The following RELN variants were observed in gnomAD, a reference collection of about 807,000 sequenced individuals.
RELN encodes reelin.
RELN carries 108 observed loss-of-function variants against 427.6 expected under a neutral mutation model. The observed-to-expected ratio is 0.25, with a 90% CI of 0.22 to 0.30. The LOEUF (loss-of-function observed/expected upper bound fraction) is 0.30, where lower values mean the gene tolerates loss of function less well. RELN is among the 10% of genes least tolerant of loss of function. The pLI is 1.00. For synonymous variants in RELN, 1,524 were observed against 1,513.4 expected (o/e 1.01, Z -0.16); for missense variants, 3,715 against 4,302.8 (o/e 0.86, Z 3.82).
At position 103,866,930 on chromosome 7, in the gene RELN, A is replaced by T. The variant is rs118144845; in HGVS notation, c.338-33258T>A. On this transcript the variant is annotated intron_variant, in intron 2 of 64. Transcript: ENST00000428762. ...CAGTGCTTTGTTAATTAATTAGACA[A>T]GCAATCATTAGCTATCCTATTTACT... is the stretch of plus-strand genomic sequence containing the variant. 6.3e-3 allele frequency among the ~76,000 whole-genome samples: 955 copies of T among 152,204 alleles called. 4 individuals carry two copies. Among genetic ancestry groups the T allele is most frequent in the Non-Finnish European group, 0.011 (755 of 67,978 alleles).
At chr7:103,728,647 A>G (rs1461306456) in intron 6 of RELN, among the ~76,000 whole-genome samples, 2 of 152,190 alleles carry the variant, frequency 1.3e-5, no homozygotes, top group East Asian at 3.8e-4. Context: ...GCAAGTATTA[A>G]AAATAAGCAG....
chr7:103,661,120 G>C (rs889801302), intron 12 of RELN, among the ~76,000 whole-genome samples: 2 of 152,084 alleles, frequency 1.3e-5, no homozygotes, highest in Non-Finnish European at 2.9e-5. Flanking sequence ...TGGAGGGAGA[G>C]GTGGAAGGAA....
intron 2 of RELN, among the ~76,000 whole-genome samples, chr7:103,867,243 C>T (rs949548432): frequency 5.3e-5 from 8 of 151,960 alleles, no homozygotes; most frequent in East Asian, 3.9e-4. Flanking sequence ...AGAGCGCAGT[C>T]AAACCGTGAA....
rs551845350 is a variant in RELN at position 103,569,623 on chromosome 7, C to T, written c.4588+2561G>A. Reference sequence around the variant, plus strand: ...TGGTTTCTGTCTTCCTCCTCATTAGCTTTTTAAGGAGTGCCACATATACCT... The same window carrying T: ...TGGTTTCTGTCTTCCTCCTCATTAGTTTTTTAAGGAGTGCCACATATACCT... On this transcript the variant is annotated intron_variant, in intron 31 of 64. Transcript: ENST00000428762. The surrounding 1 kb of genome is among the most constrained non-coding windows in gnomAD (Gnocchi z 4.0). Among the ~76,000 whole-genome samples the T allele has an allele frequency of 6.6e-6, 1 of 152,150 alleles. No homozygotes were observed. The highest frequency in any genetic ancestry group is 2.4e-5 in the African/African-American group (1 of 41,444).
rs1562853188 is a variant in RELN, at chr7:103,498,068, TTCAC to T, written c.8843+5_8843+8del. The T allele has an allele frequency of 6.2e-7, 1 of 1,613,800 alleles. No individual in the cohort carries two copies. Among genetic ancestry groups the T allele is most frequent in the Non-Finnish European group, 8.5e-7 (1 of 1,179,714 alleles). ...TGCAATAGAAATAACTAACAAAAAATTCACTTACTTTGCACCTCGAAGATCCAAA... is the reference window on the plus strand; with the variant it reads ...TGCAATAGAAATAACTAACAAAAAATTTACTTTGCACCTCGAAGATCCAAA... On this transcript the variant is annotated splice_donor_5th_base_variant and intron_variant, in intron 54 of 64. Coordinates refer to ENST00000428762, the MANE Select transcript of RELN (RefSeq NM_005045.4).
intron 46 of RELN, among the ~76,000 whole-genome samples, chr7:103,528,592 G>A (rs1420744278): frequency 6.6e-6 from 1 of 151,850 alleles, no homozygotes; most frequent in Admixed American, 6.6e-5. Flanking sequence ...GCAATGGCAT[G>A]ATCTCAGCTC....
intron 2 of RELN, among the ~76,000 whole-genome samples, chr7:103,899,948 A>G (rs10458285): frequency 0.35 from 53,038 of 151,898 alleles, 9,708 homozygotes; most frequent in East Asian, 0.67. Context: ...TTCTGGCCAG[A>G]GCAATCAGGC....
In RELN at chr7:103,492,039, T is replaced by TAAAC. The variant is rs769041611; in HGVS notation, c.9370-17_9370-14dup. The TAAAC allele has an allele frequency of 1.3e-6, 2 of 1,593,460 alleles. No homozygotes were observed. Among genetic ancestry groups the TAAAC allele is most frequent in the Admixed American group, 3.4e-5 (2 of 59,152 alleles). ...AACCCACCACAATCTAAAACAAACA[T>TAAAC]AAACAATCAATACACAGGTAAGATT... On this transcript the variant is annotated splice_polypyrimidine_tract_variant and intron_variant, in intron 57 of 64. Coordinates refer to ENST00000428762, the MANE Select transcript of RELN (RefSeq NM_005045.4).
intron 10 of RELN, among the ~76,000 whole-genome samples, chr7:103,687,795 C>T (rs1833794130): frequency 6.6e-6 from 1 of 152,082 alleles, no homozygotes; most frequent in Admixed American, 6.6e-5. Flanking sequence ...ATGCATTAGG[C>T]AGGGAGCTTC....
intron 2 of RELN, among the ~76,000 whole-genome samples, chr7:103,857,573 T>C (rs1007199229): frequency 6.6e-6 from 1 of 152,218 alleles, no homozygotes; most frequent in Non-Finnish European, 1.5e-5. Context: ...CACCTTCTAA[T>C]TTGCAGTGTT....
chr7:103,690,943 C>G (rs1003910271), intron 10 of RELN, among the ~76,000 whole-genome samples: 11 of 152,046 alleles, frequency 7.2e-5, no homozygotes, highest in African/African-American at 2.7e-4. Flanking sequence ...AGGCCACGGA[C>G]TTGGAAAAAG....
rs757092407 is a variant in RELN at position 103,489,921 on chromosome 7, G to GA, written c.9606-23dup. 1.9e-6 allele frequency: 3 copies of GA among 1,613,840 alleles called. No homozygotes were observed. In the East Asian group the frequency reaches 6.7e-5, roughly 36 times the overall value. On this transcript the variant is annotated intron_variant, in intron 59 of 64. Coordinates refer to ENST00000428762, the MANE Select transcript of RELN (RefSeq NM_005045.4). The stretch of plus-strand genomic sequence containing the variant: ...TGCACTGAAAGAACCACAGAGAGCA[G>GA]AAGGGATTCAGTAGGTTGTTACTTC...
At chr7:103,633,579 T>C (rs1489575648) in intron 19 of RELN, among the ~76,000 whole-genome samples, 3 of 152,068 alleles carry the variant, frequency 2.0e-5, no homozygotes, top group Non-Finnish European at 2.9e-5. Context: ...CATGCACATA[T>C]CTAATACTGA....
intron 4 of RELN, among the ~76,000 whole-genome samples, chr7:103,767,090 C>A (rs1212828057): frequency 6.6e-6 from 1 of 152,176 alleles, no homozygotes; most frequent in Non-Finnish European, 1.5e-5. Context: ...AATGAATATA[C>A]ACACACACAT....
intron 50 of RELN, among the ~76,000 whole-genome samples, chr7:103,511,665 G>A (rs1829421038): frequency 6.6e-6 from 1 of 151,794 alleles, no homozygotes; most frequent in African/African-American, 2.4e-5. Flanking sequence ...ATCGCTTGAG[G>A]CCAGCCTGGG....
intron 8 of RELN, among the ~76,000 whole-genome samples, chr7:103,706,887 C>T (rs1834213957): frequency 6.6e-6 from 1 of 152,180 alleles, no homozygotes; most frequent in Admixed American, 6.5e-5. Context: ...ATCATGTGTA[C>T]TTGGGCATCA....
chr7:103,895,402 C>T (rs1443361886), intron 2 of RELN, among the ~76,000 whole-genome samples: 1 of 152,092 alleles, frequency 6.6e-6, no homozygotes, highest in Non-Finnish European at 1.5e-5. Flanking sequence ...AGGGTCATTT[C>T]TGCCTAGTTT....
At chr7:103,952,817 A>T (rs1208572612) in intron 1 of RELN, among the ~76,000 whole-genome samples, 1 of 152,238 alleles carries the variant, frequency 6.6e-6, no homozygotes, top group African/African-American at 2.4e-5. Flanking sequence ...TGAACAATAC[A>T]TCTCTCAAAA....
At chr7:103,491,854 TCTCACACACACACA>T (rs1328849115) in intron 58 of RELN, 85 bp downstream of exon 58, 17 of 372,996 alleles carry the variant, frequency 4.6e-5, no homozygotes, top group Non-Finnish European at 7.8e-5. Flanking sequence ...TCTCTCTCTC[TCTCACACACACACA>T]CACACACACA....
Sources: allele counts gnomAD v4.1 joint callset (sites outside exome capture counted in the v4.1 genomes callset), GRCh38; gene constraint gnomAD v4.1.1; non-coding constraint Gnocchi (gnomAD v3.1); transcripts MANE v1.5; gene names NCBI Gene and HGNC (gene_info 2026-07-23, HGNC 2026-07-21).